TRPV5: variants seen among roughly 807,000 people sequenced by gnomAD.
TRPV5 encodes transient receptor potential cation channel subfamily V member 5.
TRPV5 carries 66 observed loss-of-function variants against 74.1 expected under a neutral mutation model. The ratio of observed to expected loss-of-function variants is 0.89; its 90% CI spans 0.73 to 1.09. The LOEUF (loss-of-function observed/expected upper bound fraction) is 1.09, where lower values mean the gene tolerates loss of function less well. Ranked by LOEUF, TRPV5 falls within the 50% of genes least tolerant of loss-of-function variation. The pLI, the probability that TRPV5 is intolerant of heterozygous loss-of-function variation, is 0.00. For synonymous variants in TRPV5, 399 were observed against 360.7 expected (o/e 1.11, Z -1.20); for missense variants, 936 against 930.4 (o/e 1.01, Z -0.08).
At chr7:142,925,480 C>A in intron 8 of TRPV5, 49 bp downstream of exon 8, 2 of 1,600,666 alleles carry the variant, frequency 1.2e-6, no homozygotes, top group South Asian at 1.1e-5. Flanking sequence ...TTTCCAGCAC[C>A]ATCACCCCTT....
chr7:142,918,189 T>A (rs1402608881), intron 8 of TRPV5, among the ~76,000 whole-genome samples: 2 of 152,376 alleles, frequency 1.3e-5, no homozygotes, highest in East Asian at 3.9e-4. Context: ...CTTTTAATTT[T>A]AAAAATTTTA....
rs149206914 is a variant in TRPV5 at position 142,919,814 on chromosome 7, G to A, written c.1123-4246C>T. On this transcript the variant is annotated intron_variant, in intron 8 of 14. Transcript: ENST00000265310. ...GGGCACTACTGGGTCGTAAGGGCCA[G>A]GGATGTACTATGTGGAAAGGATGGG... Among the ~76,000 whole-genome samples the A allele has an allele frequency of 2.9e-3, 444 of 152,332 alleles. 2 individuals are homozygous for A. Among genetic ancestry groups the A allele is most frequent in the Non-Finnish European group, 4.4e-3 (296 of 68,036 alleles).
intron 6 of TRPV5, 118 bp downstream of exon 6, chr7:142,928,573 G>A: frequency 7.2e-7 from 1 of 1,396,898 alleles, no homozygotes; most frequent in Admixed American, 2.8e-5. Flanking sequence ...CCTTTGGGGA[G>A]TTTGGGGAAA....
chr7:142,914,609 T>C, intron 12 of TRPV5, 31 bp downstream of exon 12: 9 of 1,568,940 alleles, frequency 5.7e-6, no homozygotes, highest in Non-Finnish European at 7.0e-6. Flanking sequence ...CTAGATCTGC[T>C]GATCTAGTAG....
chr7:142,920,329 C>G (rs144661479), intron 8 of TRPV5, among the ~76,000 whole-genome samples: 24 of 152,260 alleles, frequency 1.6e-4, no homozygotes, highest in African/African-American at 5.5e-4. Context: ...TTATGACTTG[C>G]CCTATATGCC....
chr7:142,918,739 TC>T (rs2116586451), intron 8 of TRPV5, among the ~76,000 whole-genome samples: 1 of 152,268 alleles, frequency 6.6e-6, no homozygotes, highest in East Asian at 1.9e-4. Context: ...AAACTGGTTG[TC>T]CCCTGTGAGT....
chr7:142,916,190 A>G (rs967171441), intron 8 of TRPV5, among the ~76,000 whole-genome samples: 1 of 152,218 alleles, frequency 6.6e-6, no homozygotes, highest in Admixed American at 6.5e-5. Flanking sequence ...ATAAATCACT[A>G]TAGATATATT....
At chr7:142,908,893 G>T in intron 14 of TRPV5, 85 bp from the exon 15 acceptor site, 1 of 1,361,932 alleles carries the variant, frequency 7.3e-7, no homozygotes, top group Non-Finnish European at 1.0e-6. Context: ...TAGAAAGCAG[G>T]GTCAAGAGGG....
chr7:142,925,277 C>T (rs1795964057), intron 8 of TRPV5: 2 of 561,364 alleles, frequency 3.6e-6, no homozygotes, highest in South Asian at 5.1e-5. Flanking sequence ...CACAAAAGCA[C>T]AGGCTTACTC....
Position 142,929,006 on chromosome 7 carries a change from C to G in TRPV5, c.586+16G>C. 1 of 1,613,810 alleles carries G rather than the reference C, an allele frequency of 6.2e-7. No homozygotes were observed. Among genetic ancestry groups the G allele is most frequent in the Non-Finnish European group, 8.5e-7 (1 of 1,179,994 alleles). ...CCCCACAGCATCCCAGCTCCCCTCCCCATCCCAGCTCTTACCCAGGGAGTC... is the reference window on the plus strand; with the variant it reads ...CCCCACAGCATCCCAGCTCCCCTCCGCATCCCAGCTCTTACCCAGGGAGTC... On this transcript the variant is annotated intron_variant, in intron 5 of 14. Coordinates refer to ENST00000265310, the MANE Select transcript of TRPV5 (RefSeq NM_019841.7).
intron 13 of TRPV5, among the ~76,000 whole-genome samples, chr7:142,910,284 C>G (rs1458698691): frequency 1.3e-5 from 2 of 152,112 alleles, no homozygotes; most frequent in Non-Finnish European, 2.9e-5. Context: ...AATCTAAGGT[C>G]CTATATTTAC....
chr7:142,924,818 C>T (rs1795956659), intron 8 of TRPV5: 1 of 152,326 alleles, frequency 6.6e-6, no homozygotes. Flanking sequence ...TATATATATT[C>T]AGAAGTGCTC....
chr7:142,922,074 T>C (rs557954502), intron 8 of TRPV5, among the ~76,000 whole-genome samples: 9 of 152,322 alleles, frequency 5.9e-5, no homozygotes, highest in Non-Finnish European at 4.4e-5. Context: ...AAAAATAATA[T>C]TGATGCCAAC....
chr7:142,910,577 G>A (rs1300362486), intron 13 of TRPV5, among the ~76,000 whole-genome samples: 1 of 152,152 alleles, frequency 6.6e-6, no homozygotes, highest in Non-Finnish European at 1.5e-5. Flanking sequence ...CCTAATTGAA[G>A]GAGTGCAATC....
rs1554528537 is a variant in TRPV5 at position 142,912,865 on chromosome 7, T to TATCTATCTATC, written c.1520-126_1520-116dup. The TATCTATCTATC allele has an allele frequency of 2.0e-4, 206 of 1,043,122 alleles. 1 individual carries two copies. Among genetic ancestry groups the TATCTATCTATC allele is most frequent in the Non-Finnish European group, 2.0e-4 (146 of 719,216 alleles). The allele number at this position is 1,043,122 out of a possible 1,614,324, so 64.6% of individuals were successfully genotyped here. ...CTATCTATCTATCTATCTATCTATCTATCTATCTATCTATCTAAATACACT... is the reference window on the plus strand; with the variant it reads ...CTATCTATCTATCTATCTATCTATCTATCTATCTATCATCTATCTATCTATCTAAATACACT... On this transcript the variant is annotated intron_variant, in intron 12 of 14. Coordinates refer to ENST00000265310, the MANE Select transcript of TRPV5 (RefSeq NM_019841.7).
chr7:142,923,134 A>C (rs956636673), intron 8 of TRPV5, among the ~76,000 whole-genome samples: 1 of 152,212 alleles, frequency 6.6e-6, no homozygotes, highest in African/African-American at 2.4e-5. Context: ...GAAGTCCTGA[A>C]GTGACTGAGA....
Position 142,925,739 on chromosome 7 carries a change from AGCCTG to A in TRPV5, c.910-3_911del, listed in dbSNP as rs754666499. 5.6e-6 allele frequency: 9 copies of A among 1,613,728 alleles called. No individual in the cohort carries two copies. Among genetic ancestry groups the A allele is most frequent in the Non-Finnish European group, 6.8e-6 (8 of 1,179,820 alleles). On this transcript the variant is annotated splice_acceptor_variant and splice_polypyrimidine_tract_variant and coding_sequence_variant and intron_variant, in exon 8 of 15. Coordinates refer to ENST00000265310, the MANE Select transcript of TRPV5 (RefSeq NM_019841.7). LOFTEE classifies it high-confidence loss of function. ...CTGGGGTCTGTTCCAGAATTTGGCG[AGCCTG>A]GCATGGAAGTAGAGTGAAACTTGGG...
At chr7:142,922,320 C>A (rs967521277) in intron 8 of TRPV5, among the ~76,000 whole-genome samples, 1 of 152,120 alleles carries the variant, frequency 6.6e-6, no homozygotes, top group Non-Finnish European at 1.5e-5. Flanking sequence ...TCAAGAGAAT[C>A]TTTTTCAAAA....
intron 1 of TRPV5, among the ~76,000 whole-genome samples, chr7:142,931,478 C>A (rs79873506): frequency 0.012 from 1,886 of 152,212 alleles, 43 homozygotes; most frequent in African/African-American, 0.043. Context: ...TTCTACAGGA[C>A]CTCTGTTAAT....
Sources: gnomAD v4.1 joint callset for allele counts (sites outside exome capture counted in the v4.1 genomes callset) on GRCh38, gnomAD v4.1.1 for gene constraint, MANE v1.5 for transcripts, NCBI Gene and HGNC (gene_info 2026-07-23, HGNC 2026-07-21) for gene names.